The following SCN10A variants were observed in gnomAD, a reference collection of about 807,000 sequenced individuals.
SCN10A encodes the protein sodium channel protein type 10 subunit alpha.
A neutral mutation model predicts 170.7 loss-of-function variants in SCN10A; 162 were observed. The ratio of observed to expected loss-of-function variants is 0.95; its 90% CI spans 0.84 to 1.08. The LOEUF (loss-of-function observed/expected upper bound fraction) is 1.08. SCN10A is among the 50% of genes least tolerant of loss of function. The probability of loss-of-function intolerance (pLI) is 0.00; values close to 1 mark genes in which losing one functional copy is unlikely to be tolerated. For synonymous variants in SCN10A, 985 were observed against 904.6 expected, an observed-to-expected ratio of 1.09 and a Z score of -1.59; for missense variants, 2,527 against 2,436.9, an observed-to-expected ratio of 1.04 and a Z score of -0.78.
chr3:38,729,879 G>A (rs2063497523), intron 15 of SCN10A, among the ~76,000 whole-genome samples: 1 of 152,168 alleles, frequency 6.6e-6, no homozygotes, highest in African/African-American at 2.4e-5. Flanking sequence ...TCCCACGGGA[G>A]GAGGTTTAAT....
intron 1 of SCN10A, among the ~76,000 whole-genome samples, chr3:38,809,070 C>T (rs1469064590): frequency 3.9e-5 from 6 of 152,166 alleles, no homozygotes; most frequent in Non-Finnish European, 7.3e-5. Context: ...TGTTATGGCT[C>T]TGATTCATTC....
chr3:38,714,923 G>A (rs1336862736), intron 21 of SCN10A, among the ~76,000 whole-genome samples: 3 of 152,234 alleles, frequency 2.0e-5, no homozygotes, highest in Non-Finnish European at 4.4e-5. Context: ...CCACACCACA[G>A]ATGGTGGGCT....
chr3:38,722,341 G>T lies in SCN10A; in HGVS notation c.3424C>A (p.Arg1142Ser). The change falls in exon 20 of 28, where the codon CGC (arginine) becomes AGC (serine). Residue 1142 changes from arginine (R) to serine (S), a missense_variant. Coordinates refer to ENST00000449082, the MANE Select transcript of SCN10A (RefSeq NM_006514.4). ...TCCACGATACGGTAGCAAGTCTTGC[G>T]CACCTGCCAGCCCACATCCCATGGA... is the stretch of plus-strand genomic sequence containing the variant. Reference protein sequence around the residue: ...KSPWDVGWQVRKTCYRIVEHS... With the variant: ...KSPWDVGWQVSKTCYRIVEHS... 3.1e-6 allele frequency: 5 copies of T among 1,614,064 alleles called. No homozygotes were observed. Among genetic ancestry groups the T allele is most frequent in the Non-Finnish European group, 4.2e-6 (5 of 1,179,986 alleles).
At chr3:38,754,366 C>A (rs2063780731) in intron 11 of SCN10A, among the ~76,000 whole-genome samples, 1 of 152,196 alleles carries the variant, frequency 6.6e-6, no homozygotes, top group Non-Finnish European at 1.5e-5. Context: ...AAATGGAAAT[C>A]CTTAGGGAAA....
intron 11 of SCN10A, among the ~76,000 whole-genome samples, chr3:38,755,339 G>A (rs186353077): frequency 7.2e-5 from 11 of 152,030 alleles, no homozygotes; most frequent in African/African-American, 2.7e-4. Context: ...AGGGAACCTT[G>A]CACTCTAGAA....
At chr3:38,744,403 T>A (rs2126016717) in intron 13 of SCN10A, among the ~76,000 whole-genome samples, 1 of 152,336 alleles carries the variant, frequency 6.6e-6, no homozygotes, top group African/African-American at 2.4e-5. Flanking sequence ...TTTTTCCTGA[T>A]AATTTAAAAA....
chr3:38,700,685 C>T (rs953755660), intron 27 of SCN10A, among the ~76,000 whole-genome samples: 3 of 152,168 alleles, frequency 2.0e-5, no homozygotes, highest in South Asian at 2.1e-4. Context: ...CGGAAATACA[C>T]GCAACCCAAG....
At chr3:38,791,272 A>G (rs1412193550) in intron 3 of SCN10A, among the ~76,000 whole-genome samples, 1 of 152,168 alleles carries the variant, frequency 6.6e-6, no homozygotes, top group Admixed American at 6.5e-5. Context: ...TCTTTCCATT[A>G]GGATCACCCA....
chr3:38,770,215 G>C (rs1472802372), intron 5 of SCN10A, among the ~76,000 whole-genome samples: 1 of 152,186 alleles, frequency 6.6e-6, no homozygotes, highest in Non-Finnish European at 1.5e-5. Flanking sequence ...GCTTTCAAGA[G>C]AGCACTAGTG....
intron 8 of SCN10A, among the ~76,000 whole-genome samples, chr3:38,757,549 C>T (rs893935325): frequency 1.3e-5 from 2 of 152,216 alleles, no homozygotes; most frequent in Non-Finnish European, 2.9e-5. Flanking sequence ...TAGCCAAGTT[C>T]ACTGATTAAT....
intron 1 of SCN10A, among the ~76,000 whole-genome samples, chr3:38,809,722 G>T (rs1465233905): frequency 6.6e-6 from 1 of 152,128 alleles, no homozygotes; most frequent in African/African-American, 2.4e-5. Flanking sequence ...GTATAATGAG[G>T]CCCTTCTATC....
chr3:38,763,370 C>T, intron 6 of SCN10A, 135 bp downstream of exon 6: 1 of 730,190 alleles, frequency 1.4e-6, no homozygotes, highest in Non-Finnish European at 2.4e-6. Flanking sequence ...GTTTCCTATA[C>T]TCCAGGCCTC....
rs1393516032 is a variant in SCN10A at position 38,749,923 on chromosome 3, G to T, written c.1867+150C>A. ...CTAAAAAACCACATTGATAAAAGAT[G>T]GTGGGGCCTAAGACATAAGAATGAG... On this transcript the variant is annotated intron_variant, in intron 13 of 27. Coordinates refer to ENST00000449082, the MANE Select transcript of SCN10A (RefSeq NM_006514.4). The T allele has an allele frequency of 1.4e-5, 6 of 441,922 alleles. No homozygotes were observed. In the Admixed American group the frequency reaches 2.6e-4, roughly 19 times the overall value. 27.4% of individuals were successfully genotyped at this position (441,922 alleles called of 1,614,324 possible). A position where few individuals can be genotyped will look rare whatever the true frequency, so the allele number is the denominator to read the frequency against.
intron 24 of SCN10A, among the ~76,000 whole-genome samples, chr3:38,710,383 T>C (rs2063260588): frequency 6.6e-6 from 1 of 152,128 alleles, no homozygotes; most frequent in Non-Finnish European, 1.5e-5. Flanking sequence ...GCTGGTCTCC[T>C]GAGCTCAGGC....
intron 12 of SCN10A, among the ~76,000 whole-genome samples, chr3:38,751,643 A>G (rs1230086676): frequency 6.6e-6 from 1 of 152,254 alleles, no homozygotes; most frequent in Non-Finnish European, 1.5e-5. Context: ...CAATCCAATG[A>G]GGAATCCCTG....
At chr3:38,755,723 C>G (rs1576006910) in intron 11 of SCN10A, 65 bp downstream of exon 11, 3 of 1,585,934 alleles carry the variant, frequency 1.9e-6, no homozygotes, top group East Asian at 4.5e-5. Flanking sequence ...CTTCCCACTC[C>G]AACTCATTGT....
intron 5 of SCN10A, among the ~76,000 whole-genome samples, chr3:38,765,021 G>A (rs759611310): frequency 3.3e-5 from 5 of 151,850 alleles, no homozygotes; most frequent in African/African-American, 4.8e-5. Flanking sequence ...TGAGAATTGC[G>A]TATTCTTGTC....
chr3:38,784,681 G>A (rs1367329067), intron 4 of SCN10A, among the ~76,000 whole-genome samples: 1 of 152,114 alleles, frequency 6.6e-6, no homozygotes, highest in African/African-American at 2.4e-5. Flanking sequence ...AGGAAAAGAG[G>A]AAGTCAAATT....
intron 4 of SCN10A, among the ~76,000 whole-genome samples, chr3:38,784,913 T>C (rs1349700947): frequency 1.3e-5 from 2 of 151,756 alleles, no homozygotes; most frequent in African/African-American, 2.4e-5. Context: ...TATCTAGAAA[T>C]ACAACTTACA....
Sources: gnomAD v4.1 joint callset for allele counts (sites outside exome capture counted in the v4.1 genomes callset) on GRCh38, gnomAD v4.1.1 for gene constraint, MANE v1.5 for transcripts, NCBI Gene and HGNC (gene_info 2026-07-23, HGNC 2026-07-21) for gene names.